NEFM: variants seen among roughly 807,000 people sequenced by gnomAD.
NEFM encodes neurofilament medium polypeptide.
NEFM carries 16 observed loss-of-function variants against 48.1 expected under a neutral mutation model. That is an observed-to-expected ratio of 0.33 (90% CI 0.23 to 0.51). The LOEUF is 0.51. Ranked by LOEUF, NEFM falls within the 20% of genes least tolerant of loss-of-function variation. The pLI, the probability that NEFM is intolerant of heterozygous loss-of-function variation, is 0.98. For missense variants in NEFM, 1,107 were observed against 1,136.0 expected (o/e 0.97, Z 0.37); for synonymous variants, 465 against 456.9 (o/e 1.02, Z -0.23).
Position 24,914,794 on chromosome 8 carries a change from T to G in NEFM, c.1001T>G (p.Val334Gly), listed in dbSNP as rs1233338032. Residue 334 changes from valine to glycine, a missense_variant, in exon 1 of 3, where the codon GTG (valine) becomes GGG (glycine). Coordinates refer to ENST00000221166, the MANE Select transcript of NEFM (RefSeq NM_005382.2). The part of the protein sequence containing the change: ...LQSKSIELES[V>G]RGTKESLERQ... ...TCCAAGAGCATCGAGCTAGAGTCGG[T>G]GCGCGGCACCAAGGAGTCCCTGGAG... The G allele has an allele frequency of 6.2e-7, 1 of 1,607,370 alleles. No homozygotes were observed. Among genetic ancestry groups the G allele is most frequent in the Admixed American group, 1.7e-5 (1 of 58,858 alleles).
chr8:24,914,915 C>T lies in NEFM; in HGVS notation c.1080+42C>T, dbSNP rs774255083. 20 of 1,541,260 alleles carry T rather than the reference C, an allele frequency of 1.3e-5. No individual in the cohort carries two copies. The East Asian group carries it at 4.9e-4, about 38-fold the overall frequency. On this transcript the variant is annotated intron_variant, in intron 1 of 2. Coordinates refer to ENST00000221166, the MANE Select transcript of NEFM (RefSeq NM_005382.2). The stretch of plus-strand genomic sequence containing the variant: ...CGCGGCCAGCCTGCGCCAGCGCCAG[C>T]GCCGCGCGCCCCCGACACTTGGGCT...
At position 24,918,714 on chromosome 8, in the gene NEFM, T is replaced by C; in HGVS notation, c.*108T>C. ...TCCCATGGGGGCTCCAGACATTGTA[T>C]TTTACTTTGTGCAATATGAGGGGAC... On this transcript the variant is annotated 3_prime_UTR_variant, in exon 3 of 3. Transcript: ENST00000221166. The C allele has an allele frequency of 1.2e-6, 1 of 854,444 alleles. No individual in the cohort carries two copies. The highest frequency in any genetic ancestry group is 1.3e-5 in the South Asian group (1 of 74,618). The allele number at this position is 854,444 out of a possible 1,614,324, so 52.9% of individuals were successfully genotyped here.
At position 24,918,195 on chromosome 8, in the gene NEFM, G is replaced by T; in HGVS notation, c.2340G>T (p.Glu780Asp). ...AAGAGAAGGAGAAAGCGGGAGGAGAGGGAGGAAGTGAGGAGGAAGGGAGTG... is the reference window on the plus strand; with the variant it reads ...AAGAGAAGGAGAAAGCGGGAGGAGATGGAGGAAGTGAGGAGGAAGGGAGTG... ...QEKEKEKAGG[E>D]GGSEEEGSDK... Residue 780 changes from glutamate to aspartate, a missense_variant, in exon 3 of 3, where the codon GAG (glutamate) becomes GAT (aspartate). Around this residue, in one of 3 missense-constraint regions of NEFM, gnomAD observed 917 missense variants for 916.4 expected, o/e 1.00. Coordinates refer to ENST00000221166, the MANE Select transcript of NEFM (RefSeq NM_005382.2). The T allele has an allele frequency of 1.9e-6, 3 of 1,552,710 alleles. No homozygotes were observed. The highest frequency in any genetic ancestry group is 2.6e-6 in the Non-Finnish European group (3 of 1,147,794).
chr8:24,915,229 T>G, intron 1 of NEFM: 1 of 1,273,530 alleles, frequency 7.9e-7, no homozygotes, highest in Non-Finnish European at 9.9e-7. Context: ...ATTCTCTACT[T>G]TTCCGGCAGT....
rs571606081 is a variant in NEFM, at chr8:24,917,323, G to A, written c.1468G>A (p.Glu490Lys). The A allele has an allele frequency of 1.2e-6, 2 of 1,613,442 alleles. No homozygotes were observed. The highest frequency in any genetic ancestry group is 2.2e-5 in the East Asian group (1 of 44,876). The part of the protein sequence containing the change: ...LAVSMKEEKK[E>K]AAEEKEEEPE... ...CGTTTCCATGAAGGAAGAGAAGAAA[G>A]AAGCAGCAGAAGAAAAGGAAGAGGA... Residue 490 changes from glutamate to lysine, a missense_variant, in exon 3 of 3, where the codon GAA (glutamate) becomes AAA (lysine). Coordinates refer to ENST00000221166, the MANE Select transcript of NEFM (RefSeq NM_005382.2).
chr8:24,915,474 C>A (rs1802558658), intron 1 of NEFM, 131 bp from the exon 2 acceptor site: 2 of 1,407,518 alleles, frequency 1.4e-6, no homozygotes, highest in South Asian at 2.5e-5. Flanking sequence ...GGCTGGGAGT[C>A]AGGTGTCAGC....
At chr8:24,916,969 A>T (rs1802582744) in intron 2 of NEFM, 92 bp from the exon 3 acceptor site, 2 of 1,007,280 alleles carry the variant, frequency 2.0e-6, no homozygotes, top group Admixed American at 3.4e-5. Context: ...TATTTATTCA[A>T]AGGTAGCTAC....
chr8:24,915,371 T>C (rs1802556606), intron 1 of NEFM: 2 of 1,101,758 alleles, frequency 1.8e-6, no homozygotes, highest in Non-Finnish European at 2.5e-6. Context: ...TCTCCGTGCG[T>C]GATGTGCCCA....
rs561236231 is a variant in NEFM at position 24,917,733 on chromosome 8, C to T, written c.1878C>T (p.Gly626=). The change falls in exon 3 of 3, where the codon GGC becomes GGT. Residue 626 remains glycine (G), a synonymous_variant. Transcript: ENST00000221166. ...PVPKSPVEEK[G]KSPVPKSPVE... ...CAAAATCACCAGTGGAAGAGAAAGG[C>T]AAGTCTCCTGTGCCCAAGTCACCAG... 1.1e-5 allele frequency: 17 copies of T among 1,613,642 alleles called. No homozygotes were observed. Among genetic ancestry groups the T allele is most frequent in the Middle Eastern group, 1.7e-4 (1 of 5,866 alleles).
chr8:24,915,672 A>ATGGCTCTGGAT lies in NEFM; in HGVS notation c.1148_1149insTGGCTCTGGAT (p.Glu383AspfsTer18). On this transcript the variant is annotated frameshift_variant, in exon 2 of 3. Transcript: ENST00000221166. LOFTEE classifies it high-confidence loss of function. The stretch of plus-strand genomic sequence containing the variant: ...TGGGAAATGGCTCGTCATTTGCGCG[A>ATGGCTCTGGAT]ATACCAGGACCTCCTCAACGTCAAG... 6.2e-7 allele frequency: 1 copy of ATGGCTCTGGAT among 1,614,066 alleles called. No homozygotes were observed. Among genetic ancestry groups the ATGGCTCTGGAT allele is most frequent in the African/African-American group, 1.3e-5 (1 of 74,994 alleles).
In NEFM at chr8:24,914,073, T is replaced by C; in HGVS notation, c.280T>C (p.Tyr94His). Residue 94 changes from tyrosine (Y) to histidine (H), a missense_variant, in exon 1 of 3, where the codon TAC (tyrosine) becomes CAC (histidine). By Grantham distance (83) the Tyr-to-His change is moderately conservative. Around this residue, in one of 3 missense-constraint regions of NEFM, gnomAD observed 186 missense variants for 200.6 expected, o/e 0.93. Coordinates refer to ENST00000221166, the MANE Select transcript of NEFM (RefSeq NM_005382.2). ...CGGCGGCTCCGGACCCGGCGGCGAC[T>C]ACAAGCTGTCCCGCTCCAACGAGAA... The part of the protein sequence containing the change: ...LNGGSGPGGD[Y>H]KLSRSNEKEQ... 6.2e-7 allele frequency: 1 copy of C among 1,612,882 alleles called. No individual in the cohort carries two copies.
At position 24,913,805 on chromosome 8, in the gene NEFM, G is replaced by C. The variant is rs61735462; in HGVS notation, c.12G>C (p.Thr4=). Reference sequence around the variant, plus strand: ...CCAAGGCCTCCAAGATGAGCTACACGTTGGACTCGCTGGGCAACCCGTCCG... The same window carrying C: ...CCAAGGCCTCCAAGATGAGCTACACCTTGGACTCGCTGGGCAACCCGTCCG... MSY[T]LDSLGNPSAY... Residue 4 remains threonine, a synonymous_variant, in exon 1 of 3, where the codon ACG becomes ACC. Transcript: ENST00000221166. The C allele has an allele frequency of 1.2e-6, 2 of 1,609,040 alleles. No homozygotes were observed. Among genetic ancestry groups the C allele is most frequent in the Admixed American group, 3.4e-5 (2 of 59,526 alleles).
At position 24,918,090 on chromosome 8, in the gene NEFM, G is replaced by A. The variant is rs746384342; in HGVS notation, c.2235G>A (p.Glu745=). ...ESPVKEEAVA[E]VVTITKSVKV... is the part of the protein sequence containing the mutation. Reference sequence around the variant, plus strand: ...CTGTAAAGGAGGAAGCTGTGGCAGAGGTGGTCACCATCACCAAATCGGTAA... The same window carrying A: ...CTGTAAAGGAGGAAGCTGTGGCAGAAGTGGTCACCATCACCAAATCGGTAA... The change falls in exon 3 of 3, where the codon GAG becomes GAA. Residue 745 remains glutamate (E), a synonymous_variant. Transcript: ENST00000221166. The A allele has an allele frequency of 4.5e-6, 7 of 1,552,060 alleles. No individual in the cohort carries two copies. Among genetic ancestry groups the A allele is most frequent in the African/African-American group, 2.7e-5 (2 of 73,048 alleles).
In NEFM at chr8:24,918,483, T is replaced by G; in HGVS notation, c.2628T>G (p.Ser876=). Residue 876 remains serine (S), a synonymous_variant, in exon 3 of 3, where the codon TCT becomes TCG. Coordinates refer to ENST00000221166, the MANE Select transcript of NEFM (RefSeq NM_005382.2). ...GTGCTACCAAATACATCACTAAATC[T>G]GTAACCGTCACTCAAAAGGTTGAAG... is the stretch of plus-strand genomic sequence containing the variant. ...GDGATKYITK[S]VTVTQKVEEH... 6.2e-7 allele frequency: 1 copy of G among 1,614,090 alleles called. No individual in the cohort carries two copies. The highest frequency in any genetic ancestry group is 8.5e-7 in the Non-Finnish European group (1 of 1,180,004).
In NEFM at chr8:24,918,225, A is replaced by G. The variant is rs752607659; in HGVS notation, c.2370A>G (p.Lys790=). The G allele has an allele frequency of 1.9e-6, 3 of 1,560,580 alleles. No individual in the cohort carries two copies. In the South Asian group the frequency reaches 3.5e-5, roughly 18 times the overall value. ...GAAGTGAGGAGGAAGGGAGTGATAA[A>G]GGTGCCAAGGGATCCAGGAAGGAAG... ...EGGSEEEGSD[K]GAKGSRKEDI... The change falls in exon 3 of 3, where the codon AAA becomes AAG. Residue 790 remains lysine (K), a synonymous_variant. Coordinates refer to ENST00000221166, the MANE Select transcript of NEFM (RefSeq NM_005382.2).
At chr8:24,915,806 A>C (rs1802565057) in intron 2 of NEFM, 77 bp downstream of exon 2, 5 of 1,601,982 alleles carry the variant, frequency 3.1e-6, no homozygotes, top group Non-Finnish European at 4.3e-6. Flanking sequence ...TCCACCACTT[A>C]AGTTAAAGCA....
rs929934787 is a variant in NEFM, at chr8:24,914,838, G to A, written c.1045G>A (p.Glu349Lys). Residue 349 changes from glutamate to lysine, a missense_variant, in exon 1 of 3, where the codon GAG becomes AAG. This residue lies in a region of NEFM where 917 missense variants were observed against 916.4 expected (regional missense o/e 1.00). Coordinates refer to ENST00000221166, the MANE Select transcript of NEFM (RefSeq NM_005382.2). ...CCTGGAGCGGCAGCTCAGCGACATC[G>A]AGGAGCGCCACAACCACGACCTCAG... is the stretch of plus-strand genomic sequence containing the variant. ...ESLERQLSDI[E>K]ERHNHDLSSY... 9 of 1,597,742 alleles carry A rather than the reference G, an allele frequency of 5.6e-6. No homozygotes were observed. Among genetic ancestry groups the A allele is most frequent in the Non-Finnish European group, 7.7e-6 (9 of 1,173,320 alleles).
chr8:24,918,796 A>T lies in NEFM; in HGVS notation c.*190A>T. ...TCTTTGGGGGATTCAAATGCATGAT[A>T]TTGTATGTACCTGGGAAATTTGCCG... On this transcript the variant is annotated 3_prime_UTR_variant, in exon 3 of 3. Coordinates refer to ENST00000221166, the MANE Select transcript of NEFM (RefSeq NM_005382.2). 1.6e-6 allele frequency: 1 copy of T among 609,216 alleles called. No individual in the cohort carries two copies. Among genetic ancestry groups the T allele is most frequent in the East Asian group, 2.9e-5 (1 of 34,842 alleles). 37.7% of individuals were successfully genotyped at this position (609,216 alleles called of 1,614,324 possible).
At chr8:24,915,346 T>G (rs1241047007) in intron 1 of NEFM, 19 of 1,242,410 alleles carry the variant, frequency 1.5e-5, no homozygotes, top group Non-Finnish European at 2.0e-5. Flanking sequence ...TTGAGACGTG[T>G]TCTAAGTCCA....
Sources: gnomAD v4.1 joint callset for allele counts on GRCh38, gnomAD v4.1.1 for gene constraint, gnomAD v4.1.1 regional missense constraint, MANE v1.5 for transcripts, NCBI Gene and HGNC (gene_info 2026-07-23, HGNC 2026-07-21) for gene names.